CAPN8: variants seen among roughly 807,000 people sequenced by gnomAD.
CAPN8 encodes the protein calpain 8.
Under a neutral mutation model 80.9 loss-of-function variants are expected in CAPN8, and 87 were observed. That is an observed-to-expected ratio of 1.07 (90% CI 0.90 to 1.28). The LOEUF is 1.28. Among genes scored for constraint, CAPN8 ranks in the 50% most tolerant of loss-of-function variants. The probability of loss-of-function intolerance (pLI) is 0.00; values close to 1 mark genes in which losing one functional copy is unlikely to be tolerated. For synonymous variants in CAPN8, 299 were observed against 273.8 expected, an observed-to-expected ratio of 1.09 and a Z score of -0.91; for missense variants, 757 against 702.0, an observed-to-expected ratio of 1.08 and a Z score of -0.89.
chr1:223,657,504 C>A (rs758498571), intron 1 of CAPN8, among the ~76,000 whole-genome samples: 2 of 152,188 alleles, frequency 1.3e-5, no homozygotes, highest in Non-Finnish European at 2.9e-5. Flanking sequence ...TGGTGACTCA[C>A]ACCTGTAATC....
At chr1:223,637,269 C>T (rs1483448384) in intron 2 of CAPN8, among the ~76,000 whole-genome samples, 1 of 152,136 alleles carries the variant, frequency 6.6e-6, no homozygotes, top group Non-Finnish European at 1.5e-5. Flanking sequence ...CTCCAGTGCC[C>T]CCATCCTGCA....
chr1:223,541,888 T>C (rs1011184678), intron 20 of CAPN8, 29 bp from the exon 21 acceptor site: 5 of 1,545,158 alleles, frequency 3.2e-6, no homozygotes, highest in Admixed American at 2.0e-5. Flanking sequence ...AGATTGAGTC[T>C]TGGCTTCTCA....
intron 1 of CAPN8, among the ~76,000 whole-genome samples, chr1:223,664,438 C>T (rs959511364): frequency 5.3e-5 from 8 of 152,230 alleles, no homozygotes; most frequent in Admixed American, 3.9e-4. Context: ...CTATTATGTT[C>T]TGGGCACTAT....
intron 16 of CAPN8, among the ~76,000 whole-genome samples, chr1:223,548,120 G>A (rs376811386): frequency 6.6e-5 from 10 of 152,046 alleles, no homozygotes; most frequent in East Asian, 1.9e-4. Flanking sequence ...CCTTCCTCCC[G>A]TCCCGCAGTT....
rs1396275902 is a variant in CAPN8, at chr1:223,620,273, G to A, written c.900-7C>T. 13 of 1,551,420 alleles carry A rather than the reference G, an allele frequency of 8.4e-6. No individual in the cohort carries two copies. The South Asian group carries it at 1.3e-4, about 16-fold the overall frequency. On this transcript the variant is annotated splice_region_variant and splice_polypyrimidine_tract_variant and intron_variant, in intron 7 of 20. Coordinates refer to ENST00000366872, the MANE Select transcript of CAPN8 (RefSeq NM_001143962.2). Reference sequence around the variant, plus strand: ...GTGATTCCACTCTGGTGCACTGAGGGGAAAACAAGCAGAGATGCTCGCTCC... The same window carrying A: ...GTGATTCCACTCTGGTGCACTGAGGAGAAAACAAGCAGAGATGCTCGCTCC...
chr1:223,664,193 T>C (rs1453155098), intron 1 of CAPN8, among the ~76,000 whole-genome samples: 3 of 152,184 alleles, frequency 2.0e-5, no homozygotes, highest in South Asian at 2.1e-4. Flanking sequence ...GTAGTATCAG[T>C]AACCGCATCC....
At chr1:223,631,359 T>C (rs1657769036) in intron 2 of CAPN8, among the ~76,000 whole-genome samples, 1 of 152,128 alleles carries the variant, frequency 6.6e-6, no homozygotes, top group African/African-American at 2.4e-5. Flanking sequence ...CAAAACTCCA[T>C]TCATGCATCA....
intron 6 of CAPN8, 149 bp downstream of exon 6, chr1:223,625,656 C>T (rs1657550726): frequency 4.8e-6 from 3 of 627,006 alleles, no homozygotes; most frequent in Admixed American, 2.2e-5. Flanking sequence ...GGGTTCTGTA[C>T]AGGCAGAGTG....
At chr1:223,552,011 A>G (rs1360886353) in intron 14 of CAPN8, among the ~76,000 whole-genome samples, 1 of 152,204 alleles carries the variant, frequency 6.6e-6, no homozygotes, top group African/African-American at 2.4e-5. Flanking sequence ...TAACTCTCAG[A>G]TGGAGAGCAG....
intron 9 of CAPN8, among the ~76,000 whole-genome samples, chr1:223,616,550 G>A (rs547201774): frequency 2.1e-4 from 32 of 152,314 alleles, no homozygotes; most frequent in African/African-American, 5.8e-4. Context: ...CTGGAGGAAG[G>A]GAGATCTCTG....
intron 1 of CAPN8, among the ~76,000 whole-genome samples, chr1:223,661,702 G>C (rs922325722): frequency 6.6e-5 from 10 of 152,174 alleles, no homozygotes; most frequent in African/African-American, 1.9e-4. Flanking sequence ...GGAACCCTGT[G>C]CACTGCTGGT....
rs1455745179 is a variant in CAPN8 at position 223,628,693 on chromosome 1, T to C, written c.395A>G (p.Gln132Arg). ...YRVVPRDQDFQENYAGIFHFQ... is the reference protein window; with the variant it reads ...YRVVPRDQDFRENYAGIFHFQ... ...GTGAAAGATTCCCGCATAGTTCTCCTGGAAGTCCTGGTCCCTGGGGACCAC... is the reference window on the plus strand; with the variant it reads ...GTGAAAGATTCCCGCATAGTTCTCCCGGAAGTCCTGGTCCCTGGGGACCAC... The change falls in exon 3 of 21, where the codon CAG becomes CGG. Residue 132 changes from glutamine to arginine, a missense_variant. Gln to Arg is a conservative substitution (Grantham distance 43). Coordinates refer to ENST00000366872, the MANE Select transcript of CAPN8 (RefSeq NM_001143962.2). The C allele has an allele frequency of 3.2e-6, 5 of 1,551,614 alleles. No individual in the cohort carries two copies. The highest frequency in any genetic ancestry group is 4.9e-5 in the East Asian group (2 of 40,930).
chr1:223,615,491 C>G (rs991321302), intron 10 of CAPN8, among the ~76,000 whole-genome samples: 7 of 152,198 alleles, frequency 4.6e-5, no homozygotes, highest in African/African-American at 7.2e-5. Flanking sequence ...AAAATGGGCA[C>G]GTGGTTTCCA....
intron 1 of CAPN8, among the ~76,000 whole-genome samples, chr1:223,656,692 T>G (rs577156485): frequency 0.18 from 25,270 of 142,208 alleles, 3,473 homozygotes; most frequent in East Asian, 0.3. Context: ...TTTTTTTTTT[T>G]TTTTTTTTTG....
At chr1:223,609,035 G>A (rs1351036099) in intron 12 of CAPN8, 118 bp downstream of exon 12, 6 of 396,212 alleles carry the variant, frequency 1.5e-5, no homozygotes, top group Non-Finnish European at 8.9e-6. Flanking sequence ...TAGTTTCTTA[G>A]AGGCTTCTTC....
At chr1:223,637,947 C>T (rs948793405) in intron 2 of CAPN8, among the ~76,000 whole-genome samples, 1 of 152,130 alleles carries the variant, frequency 6.6e-6, no homozygotes. Context: ...TGTGCAAGAT[C>T]ATCTGATACT....
At chr1:223,650,091 T>C (rs1658305658) in intron 2 of CAPN8, among the ~76,000 whole-genome samples, 1 of 151,986 alleles carries the variant, frequency 6.6e-6, no homozygotes, top group Non-Finnish European at 1.5e-5. Flanking sequence ...TAGTGGTAGA[T>C]CAAGAGAGAG....
intron 14 of CAPN8, among the ~76,000 whole-genome samples, chr1:223,553,302 T>G: frequency 6.6e-6 from 1 of 152,306 alleles, no homozygotes; most frequent in East Asian, 1.9e-4. Context: ...CTGCTCCAAG[T>G]GCCCAAGTTG....
intron 16 of CAPN8, among the ~76,000 whole-genome samples, chr1:223,545,882 G>A (rs1407280703): frequency 7.2e-6 from 1 of 138,112 alleles, no homozygotes; most frequent in Non-Finnish European, 1.5e-5. Flanking sequence ...GGAGTACAGT[G>A]GTGTGATCTC....
Sources: allele counts gnomAD v4.1 joint callset (sites outside exome capture counted in the v4.1 genomes callset), GRCh38; gene constraint gnomAD v4.1.1; transcripts MANE v1.5; gene names NCBI Gene and HGNC (gene_info 2026-07-23, HGNC 2026-07-21).